C5: variants seen among roughly 807,000 people sequenced by gnomAD.
The protein encoded by C5 is C3 and PZP-like alpha-2-macroglobulin domain-containing protein 4.
Under a neutral mutation model 218.8 loss-of-function variants are expected in C5, and 140 were observed. That is an observed-to-expected ratio of 0.64 (90% CI 0.56 to 0.74). The LOEUF (loss-of-function observed/expected upper bound fraction) is 0.74, where lower values mean the gene tolerates loss of function less well. Among genes scored for constraint, C5 ranks in the 30% least tolerant of loss-of-function variants. C5 has a pLI of 0.00. For missense variants in C5, 1,700 were observed against 1,969.6 expected (o/e 0.86, Z 2.59); for synonymous variants, 614 against 682.3 (o/e 0.90, Z 1.56).
chr9:121,006,118 T>G, intron 19 of C5, 60 bp from the exon 20 acceptor site: 1 of 1,557,302 alleles, frequency 6.4e-7, no homozygotes, highest in Non-Finnish European at 8.8e-7. Context: ...AATGTTTTAT[T>G]GGTATTAAAA....
upstream of C5, among the ~76,000 whole-genome samples, chr9:121,052,431 A>T (rs141556276): frequency 1.0e-3 from 156 of 150,458 alleles, no homozygotes; most frequent in African/African-American, 3.8e-3. Context: ...CAGCCTGAGC[A>T]ACAGAGCCAG....
Position 120,953,867 on chromosome 9 carries a change from C to T in C5, c.4764G>A (p.Gly1588=). 1 of 1,613,842 alleles carries T rather than the reference C, an allele frequency of 6.2e-7. No homozygotes were observed. The highest frequency in any genetic ancestry group is 8.5e-7 in the Non-Finnish European group (1 of 1,179,792). ...KATLLDIYKT[G]EAVAEKDSEI... ...CAGAGTCTTTCTCAGCAACAGCTTC[C>T]CCTGAGAGACATGCAAGTCAAGTAA... The change falls in exon 40 of 41, where the codon GGG becomes GGA. Residue 1588 remains glycine, a splice_region_variant and synonymous_variant. Transcript: ENST00000223642.
chr9:121,074,851 T>C, the C5 span: 17 of 456,132 alleles, frequency 3.7e-5, no homozygotes, highest in African/African-American at 3.4e-4. Flanking sequence ...GCGCGCTGGC[T>C]GCAAAAGAGG....
intron 25 of C5, among the ~76,000 whole-genome samples, chr9:120,985,101 G>A (rs991493982): frequency 3.3e-5 from 5 of 152,162 alleles, no homozygotes; most frequent in Non-Finnish European, 7.4e-5. Context: ...AGGAGTGAGA[G>A]TCTAGACAGC....
the C5 span, among the ~76,000 whole-genome samples, chr9:121,062,884 T>C: frequency 2.0e-5 from 3 of 152,168 alleles, no homozygotes; most frequent in African/African-American, 7.2e-5. Flanking sequence ...TTTTCTCTTG[T>C]TATTTTCAAG....
chr9:120,967,897 A>G (rs1310553228), intron 33 of C5, among the ~76,000 whole-genome samples: 1 of 151,466 alleles, frequency 6.6e-6, no homozygotes, highest in African/African-American at 2.4e-5. Flanking sequence ...AATTTTTAAA[A>G]TTTGCTGTAG....
At chr9:120,993,149 G>A (rs932415216) in intron 22 of C5, among the ~76,000 whole-genome samples, 2 of 152,170 alleles carry the variant, frequency 1.3e-5, no homozygotes, top group South Asian at 2.1e-4. Context: ...ATTTTAGAGA[G>A]GCAAGTGTTG....
the C5 span, among the ~76,000 whole-genome samples, chr9:121,062,966 C>A: frequency 1.3e-5 from 2 of 152,156 alleles, no homozygotes; most frequent in Non-Finnish European, 2.9e-5. Flanking sequence ...TTGAGTTTAT[C>A]ATACTTGGAG....
Position 120,989,702 on chromosome 9 carries a change from C to T in C5, c.3020G>A (p.Ser1007Asn). Residue 1007 changes from serine to asparagine, a missense_variant, in exon 24 of 41, where the codon AGT (serine) becomes AAT (asparagine). Ser to Asn is a conservative substitution (Grantham distance 46). Coordinates refer to ENST00000223642, the MANE Select transcript of C5 (RefSeq NM_001735.3). ...INILTHLPKG[S>N]AEAELMSVVP... ...AACGCTCATCAGCTCCGCCTCTGCA[C>T]TCCCTTTGGGGAGGTGGGTTAGGAT... is the stretch of plus-strand genomic sequence containing the variant. 1 of 1,614,120 alleles carries T rather than the reference C, an allele frequency of 6.2e-7. No individual in the cohort carries two copies. The highest frequency in any genetic ancestry group is 8.5e-7 in the Non-Finnish European group (1 of 1,179,982).
the C5 span, among the ~76,000 whole-genome samples, chr9:121,070,431 GTATATTCTGTATGTGTATATATA>G: frequency 1.2e-4 from 13 of 112,672 alleles, no homozygotes; most frequent in Non-Finnish European, 2.2e-4. Flanking sequence ...ATATATGTAT[GTATATTCTGTATGTGTATATATA>G]TATGTATATT....
intron 36 of C5, among the ~76,000 whole-genome samples, chr9:120,961,909 A>G (rs1211457760): frequency 1.3e-5 from 2 of 152,220 alleles, no homozygotes; most frequent in Non-Finnish European, 2.9e-5. Flanking sequence ...AGAAAAGCAT[A>G]TATCTATGTA....
chr9:120,972,081 A>G, intron 30 of C5, 89 bp from the exon 31 acceptor site: 1 of 990,074 alleles, frequency 1.0e-6, no homozygotes, highest in Non-Finnish European at 1.6e-6. Context: ...GTTGACATGT[A>G]CCAGCCTCCT....
At position 121,037,237 on chromosome 9, in the gene C5, T is replaced by C. The variant is rs41307996; in HGVS notation, c.492+644A>G. Among the ~76,000 whole-genome samples, 1,164 of 151,944 alleles carry C rather than the reference T, an allele frequency of 7.7e-3. 9 individuals are homozygous for C. Among genetic ancestry groups the C allele is most frequent in the East Asian group, 0.022 (115 of 5,182 alleles). Reference sequence around the variant, plus strand: ...ACATAATAGATATATCCATTATGTATATCTTATAGTTAAATGGGTATTCAG... The same window carrying C: ...ACATAATAGATATATCCATTATGTACATCTTATAGTTAAATGGGTATTCAG... On this transcript the variant is annotated intron_variant, in intron 4 of 40. Coordinates refer to ENST00000223642, the MANE Select transcript of C5 (RefSeq NM_001735.3).
At chr9:121,020,911 C>T (rs765934999) in intron 11 of C5, among the ~76,000 whole-genome samples, 21 of 152,202 alleles carry the variant, frequency 1.4e-4, no homozygotes, top group African/African-American at 4.6e-4. Flanking sequence ...CTTCATAAAG[C>T]TCTCAGCATG....
At position 120,983,298 on chromosome 9, in the gene C5, A is replaced by G. The variant is rs887634332; in HGVS notation, c.3231-484T>C. ...CCTTGAGTGCTGCCATTGACACAGA[A>G]CTTACTACCCCACAGGAAATTTTAA... On this transcript the variant is annotated intron_variant, in intron 25 of 40. Coordinates refer to ENST00000223642, the MANE Select transcript of C5 (RefSeq NM_001735.3). Among the ~76,000 whole-genome samples the G allele has an allele frequency of 2.6e-5, 4 of 152,118 alleles. No homozygotes were observed. In the East Asian group the frequency reaches 5.8e-4, roughly 22 times the overall value.
At chr9:121,056,321 A>G in the C5 span, among the ~76,000 whole-genome samples, 1 of 152,208 alleles carries the variant, frequency 6.6e-6, no homozygotes, top group Admixed American at 6.5e-5. Context: ...CAGGGAATTC[A>G]AAATAGCTGC....
chr9:121,020,354 C>A (rs1359043840), intron 11 of C5, among the ~76,000 whole-genome samples, 175 bp from the exon 12 acceptor site: 1 of 152,164 alleles, frequency 6.6e-6, no homozygotes, highest in African/African-American at 2.4e-5. Flanking sequence ...TGTCAAGCAA[C>A]TTTACAAAGA....
chr9:121,055,890 G>A, the C5 span, among the ~76,000 whole-genome samples: 1 of 152,218 alleles, frequency 6.6e-6, no homozygotes, highest in Non-Finnish European at 1.5e-5. Flanking sequence ...CAAGCCTGGA[G>A]AGAGATGCCT....
At chr9:121,068,753 A>C in the C5 span, among the ~76,000 whole-genome samples, 1 of 152,242 alleles carries the variant, frequency 6.6e-6, no homozygotes, top group Non-Finnish European at 1.5e-5. Context: ...AGTAACCAAA[A>C]TAGCATGATA....
Sources: allele counts gnomAD v4.1 joint callset (sites outside exome capture counted in the v4.1 genomes callset), GRCh38; gene constraint gnomAD v4.1.1; transcripts MANE v1.5; gene names NCBI Gene and HGNC (gene_info 2026-07-23, HGNC 2026-07-21).